Variants in NRXN3 observed in about 807,000 individuals in gnomAD.
The protein encoded by NRXN3 is neurexin 3, also known as neurexin III.
A neutral mutation model predicts 137.6 loss-of-function variants in NRXN3; 32 were observed. The observed-to-expected ratio is 0.23, with a 90% CI of 0.18 to 0.31. The LOEUF is 0.31. Ranked by LOEUF, NRXN3 falls within the 10% of genes least tolerant of loss-of-function variation. The probability of loss-of-function intolerance (pLI) is 1.00; values close to 1 mark genes in which losing one functional copy is unlikely to be tolerated. For missense variants in NRXN3, 1,574 were observed against 2,062.5 expected, an observed-to-expected ratio of 0.76 and a Z score of 4.59; for synonymous variants, 798 against 784.5, an observed-to-expected ratio of 1.02 and a Z score of -0.29.
chr14:79,460,591 G>T (rs372783751), intron 15 of NRXN3, among the ~76,000 whole-genome samples: 2 of 152,178 alleles, frequency 1.3e-5, no homozygotes, highest in African/African-American at 2.4e-5. Context: ...TTGAGTTGAA[G>T]CCTTGTTTCT....
At chr14:79,774,815 C>A (rs2099091516) in intron 19 of NRXN3, among the ~76,000 whole-genome samples, 1 of 152,052 alleles carries the variant, frequency 6.6e-6, no homozygotes, top group African/African-American at 2.4e-5. Context: ...TCTTTGCTCT[C>A]TATTTTGTTA....
At chr14:79,839,233 C>A (rs555832630) in intron 20 of NRXN3, among the ~76,000 whole-genome samples, 4 of 152,050 alleles carry the variant, frequency 2.6e-5, no homozygotes, top group African/African-American at 9.6e-5. Flanking sequence ...AAAAACCTGA[C>A]CCATTATGGT....
intron 10 of NRXN3, among the ~76,000 whole-genome samples, chr14:78,862,225 C>A (rs1449982763): frequency 6.7e-6 from 1 of 150,056 alleles, no homozygotes; most frequent in Non-Finnish European, 1.5e-5. Context: ...ATATCTATAA[C>A]AAGATTGTTA....
chr14:78,923,145 G>T (rs1188917980), intron 10 of NRXN3, among the ~76,000 whole-genome samples: 1 of 152,170 alleles, frequency 6.6e-6, no homozygotes, highest in Non-Finnish European at 1.5e-5. Flanking sequence ...CTTGAGTGCT[G>T]CCTCGAGCCC....
chr14:79,093,338 G>A (rs552455802), intron 15 of NRXN3, among the ~76,000 whole-genome samples: 3 of 152,260 alleles, frequency 2.0e-5, no homozygotes, highest in Middle Eastern at 6.8e-3. Flanking sequence ...CGTAAGTAAG[G>A]CAGATCTCTT....
intron 19 of NRXN3, among the ~76,000 whole-genome samples, chr14:79,802,613 T>C (rs2099186216): frequency 6.6e-6 from 1 of 152,158 alleles, no homozygotes; most frequent in South Asian, 2.1e-4. Context: ...TAAACAATGA[T>C]TGTGGTCCTT....
intron 10 of NRXN3, among the ~76,000 whole-genome samples, chr14:78,812,598 G>T (rs535613293): frequency 3.0e-4 from 45 of 152,240 alleles, no homozygotes; most frequent in African/African-American, 9.4e-4. Context: ...ACAACTCCCA[G>T]GATTACCTCT....
chr14:79,859,524 T>A (rs1377396364), intron 20 of NRXN3, among the ~76,000 whole-genome samples: 1 of 152,134 alleles, frequency 6.6e-6, no homozygotes, highest in Non-Finnish European at 1.5e-5. Context: ...TGTGAATCAA[T>A]CTTCATAGGA....
chr14:79,043,992 ATAT>A (rs952981972), intron 15 of NRXN3, among the ~76,000 whole-genome samples: 2 of 152,170 alleles, frequency 1.3e-5, no homozygotes, highest in Non-Finnish European at 2.9e-5. Flanking sequence ...GACCCACTAG[ATAT>A]TAGTAGCACC....
chr14:78,846,952 G>A (rs978213416), intron 10 of NRXN3, among the ~76,000 whole-genome samples: 9 of 151,992 alleles, frequency 5.9e-5, no homozygotes, highest in South Asian at 2.1e-4. Flanking sequence ...TATTGCATGC[G>A]GACTTGAATT....
chr14:78,536,523 T>A (rs570220444), intron 4 of NRXN3, among the ~76,000 whole-genome samples: 1 of 152,308 alleles, frequency 6.6e-6, no homozygotes, highest in East Asian at 1.9e-4. Context: ...TGTACAGAAC[T>A]GGTTATAATA....
chr14:78,855,247 CTT>C (rs1353375924), intron 10 of NRXN3, among the ~76,000 whole-genome samples: 1 of 151,630 alleles, frequency 6.6e-6, no homozygotes, highest in Non-Finnish European at 1.5e-5. Context: ...GATAGAGTGA[CTT>C]TTATGTTTTT....
At chr14:79,717,424 G>A (rs1304071578) in intron 19 of NRXN3, among the ~76,000 whole-genome samples, 1 of 152,154 alleles carries the variant, frequency 6.6e-6, no homozygotes, top group Non-Finnish European at 1.5e-5. Flanking sequence ...CTCAAACCTC[G>A]ATGTGTCTTT....
At chr14:79,536,404 T>C (rs771113533) in intron 16 of NRXN3, among the ~76,000 whole-genome samples, 22 of 151,956 alleles carry the variant, frequency 1.4e-4, no homozygotes, top group Non-Finnish European at 2.6e-4. Context: ...GGAACTCAGA[T>C]TTACATCTGG....
intron 4 of NRXN3, among the ~76,000 whole-genome samples, chr14:78,344,467 T>C (rs2082483745): frequency 6.6e-6 from 1 of 152,250 alleles, no homozygotes; most frequent in Non-Finnish European, 1.5e-5. Context: ...CCTCTGGGCA[T>C]GCCCACTGAC....
At chr14:78,679,611 A>G (rs1223784163) in intron 6 of NRXN3, among the ~76,000 whole-genome samples, 1 of 152,162 alleles carries the variant, frequency 6.6e-6, no homozygotes, top group African/African-American at 2.4e-5. Flanking sequence ...TCCAAGAGTG[A>G]TGCCAGCTTT....
intron 10 of NRXN3, among the ~76,000 whole-genome samples, chr14:78,864,704 C>G (rs923879701): frequency 1.3e-5 from 2 of 151,956 alleles, no homozygotes; most frequent in African/African-American, 4.8e-5. Context: ...AAGGGAAGAC[C>G]CAAAGAAACA....
intron 4 of NRXN3, among the ~76,000 whole-genome samples, chr14:78,372,266 C>A (rs2086975192): frequency 1.3e-5 from 2 of 150,624 alleles, no homozygotes; most frequent in Admixed American, 1.3e-4. Flanking sequence ...GCATGGTCAC[C>A]AACTTCTCTC....
chr14:78,571,552 A>G (rs1203350737), intron 4 of NRXN3, among the ~76,000 whole-genome samples: 1 of 152,164 alleles, frequency 6.6e-6, no homozygotes, highest in Non-Finnish European at 1.5e-5. Context: ...GGTCTTCTCC[A>G]TTTCAAGTCT....
Sources: allele counts gnomAD v4.1 joint callset (sites outside exome capture counted in the v4.1 genomes callset), GRCh38; gene constraint gnomAD v4.1.1; transcripts MANE v1.5; gene names NCBI Gene and HGNC (gene_info 2026-07-23, HGNC 2026-07-21).